The following RIMS1 variants were observed in gnomAD, a reference collection of about 807,000 sequenced individuals.
The protein encoded by RIMS1 is regulating synaptic membrane exocytosis 1.
A neutral mutation model predicts 214.1 loss-of-function variants in RIMS1; 83 were observed. That is an observed-to-expected ratio of 0.39 (90% CI 0.32 to 0.47). The LOEUF is 0.47. Ranked by LOEUF, RIMS1 falls within the 20% of genes least tolerant of loss-of-function variation. The pLI is 0.99. For missense variants in RIMS1, 2,050 were observed against 2,161.8 expected, an observed-to-expected ratio of 0.95 and a Z score of 1.03; for synonymous variants, 793 against 786.8, an observed-to-expected ratio of 1.01 and a Z score of -0.13.
chr6:72,204,000 ATCCAAAATGATTTAACTT>A (rs2052483160), intron 6 of RIMS1, among the ~76,000 whole-genome samples: 3 of 152,226 alleles, frequency 2.0e-5, no homozygotes, highest in Non-Finnish European at 2.9e-5. Flanking sequence ...CTGGGAAAGT[ATCCAAAATGATTTAACTT>A]ATGTTTGGGG....
chr6:72,230,679 G>T (rs1490080985), intron 6 of RIMS1, among the ~76,000 whole-genome samples: 1 of 151,520 alleles, frequency 6.6e-6, no homozygotes, highest in African/African-American at 2.4e-5. Context: ...CCTGGGTTTA[G>T]GAAACACTGG....
At chr6:71,912,945 C>T (rs909574120) in intron 1 of RIMS1, among the ~76,000 whole-genome samples, 9 of 152,036 alleles carry the variant, frequency 5.9e-5, no homozygotes, top group African/African-American at 2.2e-4. Flanking sequence ...GAAAAATGAG[C>T]TTCATGGAAG....
intron 1 of RIMS1, among the ~76,000 whole-genome samples, chr6:71,903,011 A>G (rs1008536666): frequency 3.3e-5 from 5 of 152,144 alleles, no homozygotes; most frequent in African/African-American, 1.2e-4. Context: ...TCTTTATAAT[A>G]TGATGATTTA....
chr6:72,263,113 C>T (rs1336706976), intron 19 of RIMS1: 1 of 983,596 alleles, frequency 1.0e-6, no homozygotes, highest in Non-Finnish European at 1.2e-6. Context: ...TGAGATGTTT[C>T]ACCAATAAGA....
chr6:72,073,501 A>G (rs368011217), intron 2 of RIMS1, among the ~76,000 whole-genome samples: 2 of 152,242 alleles, frequency 1.3e-5, no homozygotes, highest in African/African-American at 4.8e-5. Context: ...TTCTCATGCC[A>G]AATGATGGGT....
At chr6:72,096,712 A>T (rs1741330698) in intron 2 of RIMS1, among the ~76,000 whole-genome samples, 1 of 152,234 alleles carries the variant, frequency 6.6e-6, no homozygotes, top group African/African-American at 2.4e-5. Context: ...AACAGGGCTT[A>T]TGTAGCTTCT....
At chr6:72,239,146 G>T (rs2065591997) in intron 9 of RIMS1, among the ~76,000 whole-genome samples, 1 of 152,120 alleles carries the variant, frequency 6.6e-6, no homozygotes, top group Admixed American at 6.6e-5. Context: ...GAAAGTCTGA[G>T]AATCCCTTGT....
rs536463166 is a variant in RIMS1, at chr6:72,334,766, T to C, written c.4366+931T>C. 2.0e-5 allele frequency among the ~76,000 whole-genome samples: 3 copies of C among 152,040 alleles called. No individual in the cohort carries two copies. In the East Asian group the frequency reaches 5.8e-4, roughly 30 times the overall value. ...CACTCAGCATTCTGGAAAGTACCTA[T>C]TTTAAATTATTCATTCTACTGGATA... On this transcript the variant is annotated intron_variant, in intron 29 of 33. Coordinates refer to ENST00000521978, the MANE Select transcript of RIMS1 (RefSeq NM_014989.7).
intron 3 of RIMS1, among the ~76,000 whole-genome samples, 199 bp downstream of exon 3, chr6:72,097,361 T>C (rs1391682722): frequency 6.6e-6 from 1 of 152,234 alleles, no homozygotes; most frequent in South Asian, 2.1e-4. Flanking sequence ...GAACTTACTT[T>C]ATCTTTGTTT....
chr6:72,135,266 G>C (rs1441943457), intron 4 of RIMS1, among the ~76,000 whole-genome samples: 1 of 152,046 alleles, frequency 6.6e-6, no homozygotes, highest in Non-Finnish European at 1.5e-5. Context: ...TTATTACAAA[G>C]ATAAAAGCTG....
intron 1 of RIMS1, among the ~76,000 whole-genome samples, chr6:71,936,832 A>C (rs564351867): frequency 6.6e-6 from 1 of 152,348 alleles, no homozygotes; most frequent in East Asian, 1.9e-4. Context: ...GGTTGTGTGT[A>C]CAGTAGAATT....
chr6:71,940,088 G>C (rs532390777), intron 1 of RIMS1, among the ~76,000 whole-genome samples: 2 of 152,260 alleles, frequency 1.3e-5, no homozygotes, highest in Non-Finnish European at 2.9e-5. Flanking sequence ...GATGGTGTCT[G>C]TTCCTTAATA....
chr6:72,323,597 G>A (rs1474869836), intron 28 of RIMS1, among the ~76,000 whole-genome samples: 1 of 151,834 alleles, frequency 6.6e-6, no homozygotes, highest in Non-Finnish European at 1.5e-5. Flanking sequence ...TGAACATGAT[G>A]AAAAATTCTA....
At chr6:71,981,760 A>G (rs1429240408) in intron 2 of RIMS1, among the ~76,000 whole-genome samples, 1 of 152,046 alleles carries the variant, frequency 6.6e-6, no homozygotes, top group South Asian at 2.1e-4. Flanking sequence ...ATCTTGGGAT[A>G]TGTTTTCTCT....
intron 10 of RIMS1, among the ~76,000 whole-genome samples, chr6:72,244,898 A>T (rs1239473872): frequency 1.3e-5 from 2 of 151,876 alleles, no homozygotes; most frequent in Non-Finnish European, 3.0e-5. Flanking sequence ...AGAAATTCTT[A>T]AAAAATATGC....
rs767381984 is a variant in RIMS1 at position 72,259,132 on chromosome 6, C to A, written c.3053+21C>A. ...GACAGGTATTTGTCAAAATTATGAT[C>A]TCAACGTTATGAATTTTTTGTTCTG... is the stretch of plus-strand genomic sequence containing the variant. On this transcript the variant is annotated intron_variant, in intron 18 of 33. Coordinates refer to ENST00000521978, the MANE Select transcript of RIMS1 (RefSeq NM_014989.7). 2.5e-5 allele frequency: 40 copies of A among 1,603,780 alleles called. No individual in the cohort carries two copies. In the East Asian group the frequency reaches 7.4e-4, roughly 30 times the overall value.
At chr6:72,066,763 G>A (rs1562240240) in intron 2 of RIMS1, among the ~76,000 whole-genome samples, 1 of 151,816 alleles carries the variant, frequency 6.6e-6, no homozygotes, top group Non-Finnish European at 1.5e-5. Flanking sequence ...ATATCTAATA[G>A]GCCTCTCAAA....
At chr6:71,957,299 A>G (rs1017990714) in intron 1 of RIMS1, among the ~76,000 whole-genome samples, 5 of 152,170 alleles carry the variant, frequency 3.3e-5, no homozygotes, top group Non-Finnish European at 5.9e-5. Flanking sequence ...AAAAGCAGCA[A>G]ACTTACTCTA....
chr6:72,118,085 T>C (rs1267883254), intron 4 of RIMS1, among the ~76,000 whole-genome samples: 2 of 151,406 alleles, frequency 1.3e-5, no homozygotes, highest in Non-Finnish European at 3.0e-5. Flanking sequence ...CAAACAAAAC[T>C]GGAGATATTA....
Sources: allele counts gnomAD v4.1 joint callset (sites outside exome capture counted in the v4.1 genomes callset), GRCh38; gene constraint gnomAD v4.1.1; transcripts MANE v1.5; gene names NCBI Gene and HGNC (gene_info 2026-07-23, HGNC 2026-07-21).